The following EIF4E3 variants were observed in gnomAD, a reference collection of about 807,000 sequenced individuals.
EIF4E3 encodes the protein eukaryotic translation initiation factor 4E family member 3.
EIF4E3 carries 26 observed loss-of-function variants against 31.7 expected under a neutral mutation model. That is an observed-to-expected ratio of 0.82 (90% CI 0.60 to 1.14). The LOEUF (loss-of-function observed/expected upper bound fraction) is 1.14, where lower values mean the gene tolerates loss of function less well. Ranked by LOEUF, EIF4E3 falls within the 50% of genes most tolerant of loss-of-function variation. The pLI is 0.00. For missense variants in EIF4E3, 304 were observed against 270.9 expected (o/e 1.12, Z -0.86); for synonymous variants, 128 against 107.7 (o/e 1.19, Z -1.17).
At chr3:71,735,316 C>T (rs888815780) in intron 1 of EIF4E3, among the ~76,000 whole-genome samples, 15 of 151,680 alleles carry the variant, frequency 9.9e-5, no homozygotes, top group African/African-American at 2.2e-4. Context: ...AGAATTGGTG[C>T]GTAAATAAAA....
intron 1 of EIF4E3, among the ~76,000 whole-genome samples, chr3:71,723,286 C>T (rs1424032988): frequency 6.6e-6 from 1 of 152,078 alleles, no homozygotes; most frequent in African/African-American, 2.4e-5. Flanking sequence ...TGGATTCCCA[C>T]AGAAGGAGAA....
At chr3:71,718,229 A>T (rs71298399) in intron 1 of EIF4E3, among the ~76,000 whole-genome samples, 11,752 of 152,258 alleles carry the variant, frequency 0.077, 527 homozygotes, top group Non-Finnish European at 0.099. Context: ...CACTCCATTA[A>T]AGATGATTTC....
At chr3:71,660,004 A>G in the EIF4E3 span, among the ~76,000 whole-genome samples, 2 of 152,244 alleles carry the variant, frequency 1.3e-5, no homozygotes, top group Non-Finnish European at 2.9e-5. Context: ...GACAGATGTC[A>G]GAATCTGAGG....
chr3:71,709,197 A>G (rs2049338777), intron 2 of EIF4E3, among the ~76,000 whole-genome samples: 1 of 152,208 alleles, frequency 6.6e-6, no homozygotes, highest in Non-Finnish European at 1.5e-5. Flanking sequence ...ATTTAGGGAT[A>G]CAACAGGAAA....
At chr3:71,712,428 CA>C (rs1288490430) in intron 1 of EIF4E3, among the ~76,000 whole-genome samples, 2 of 151,894 alleles carry the variant, frequency 1.3e-5, no homozygotes, top group African/African-American at 2.4e-5. Context: ...TTTTTTAAAT[CA>C]GGGGAAAAAA....
chr3:71,720,305 C>CCAGCCT (rs1251271195), intron 1 of EIF4E3, among the ~76,000 whole-genome samples: 1 of 152,044 alleles, frequency 6.6e-6, no homozygotes. Context: ...AAGGGATCCT[C>CCAGCCT]CAGCCTCAGC....
At chr3:71,685,792 G>A (rs948684762) in intron 6 of EIF4E3, among the ~76,000 whole-genome samples, 51 of 152,338 alleles carry the variant, frequency 3.3e-4, no homozygotes, top group African/African-American at 1.2e-3. Context: ...AAGACTGAGT[G>A]TGACAATCTA....
the EIF4E3 span, among the ~76,000 whole-genome samples, chr3:71,669,682 C>T: frequency 2.0e-4 from 30 of 152,034 alleles, no homozygotes; most frequent in East Asian, 3.3e-3. Context: ...AACTACTCAA[C>T]GTCTCGGTGA....
chr3:71,736,646 G>C (rs988275448), intron 1 of EIF4E3, among the ~76,000 whole-genome samples: 88 of 152,328 alleles, frequency 5.8e-4, no homozygotes, highest in Non-Finnish European at 2.9e-5. Flanking sequence ...CAGGGGTTCA[G>C]GTGTAGGAGA....
intron 3 of EIF4E3, among the ~76,000 whole-genome samples, chr3:71,696,793 G>T (rs1215189117): frequency 1.3e-5 from 2 of 148,716 alleles, no homozygotes; most frequent in Non-Finnish European, 3.0e-5. Context: ...TCGGCTCACT[G>T]CAAGCTCTGC....
chr3:71,720,914 T>C (rs189946984), intron 1 of EIF4E3, among the ~76,000 whole-genome samples: 1 of 152,164 alleles, frequency 6.6e-6, no homozygotes, highest in Non-Finnish European at 1.5e-5. Flanking sequence ...AATATAGAAC[T>C]GGATGGAGGA....
intron 1 of EIF4E3, among the ~76,000 whole-genome samples, chr3:71,719,122 T>G (rs571989379): frequency 4.6e-4 from 70 of 152,300 alleles, no homozygotes; most frequent in Middle Eastern, 6.8e-3. Context: ...CCCTTTAGGG[T>G]GGGTCCCTGT....
At chr3:71,722,852 C>G in intron 1 of EIF4E3, among the ~76,000 whole-genome samples, 1 of 152,114 alleles carries the variant, frequency 6.6e-6, no homozygotes, top group Non-Finnish European at 1.5e-5. Context: ...TTAGGAAGCT[C>G]CTTCTACCAG....
chr3:71,669,403 TTAA>T, the EIF4E3 span, among the ~76,000 whole-genome samples: 1 of 152,080 alleles, frequency 6.6e-6, no homozygotes, highest in Admixed American at 6.6e-5. Context: ...AAGTATAATA[TTAA>T]TAATAATAAA....
chr3:71,716,803 A>C (rs916541001), intron 1 of EIF4E3, among the ~76,000 whole-genome samples: 1 of 152,134 alleles, frequency 6.6e-6, no homozygotes, highest in African/African-American at 2.4e-5. Flanking sequence ...GCCCAAACTA[A>C]ACAGCTCCTG....
intron 1 of EIF4E3, among the ~76,000 whole-genome samples, chr3:71,721,754 G>A (rs1420961663): frequency 1.3e-5 from 2 of 152,156 alleles, no homozygotes; most frequent in African/African-American, 4.8e-5. Context: ...GGAACTGTGA[G>A]TCAAACCTCT....
chr3:71,723,722 T>C (rs972535734), intron 1 of EIF4E3, among the ~76,000 whole-genome samples: 3 of 152,190 alleles, frequency 2.0e-5, no homozygotes, highest in African/African-American at 7.2e-5. Context: ...CAGGTAACAA[T>C]AGCACAGTTG....
At chr3:71,691,215 A>T (rs953957652) in intron 5 of EIF4E3, among the ~76,000 whole-genome samples, 1 of 152,208 alleles carries the variant, frequency 6.6e-6, no homozygotes, top group Non-Finnish European at 1.5e-5. Context: ...TGCTTTAGTT[A>T]GTATGCTCTG....
At chr3:71,692,781 A>G (rs1359844337) in intron 5 of EIF4E3, among the ~76,000 whole-genome samples, 1 of 151,972 alleles carries the variant, frequency 6.6e-6, no homozygotes, top group African/African-American at 2.4e-5. Context: ...TTTTGTAGAG[A>G]CAAGGGTCTC....
Sources: gnomAD v4.1 joint callset for allele counts (sites outside exome capture counted in the v4.1 genomes callset) on GRCh38, gnomAD v4.1.1 for gene constraint, MANE v1.5 for transcripts, NCBI Gene and HGNC (gene_info 2026-07-23, HGNC 2026-07-21) for gene names.